Variants in FRAS1 observed in about 807,000 individuals in gnomAD.
FRAS1 encodes the protein Fraser extracellular matrix complex subunit 1, also known as extracellular matrix organizing protein FRAS1.
Under a neutral mutation model 435.2 loss-of-function variants are expected in FRAS1, and 290 were observed. The ratio of observed to expected loss-of-function variants is 0.67; its 90% CI spans 0.61 to 0.73. FRAS1 has a LOEUF of 0.73. Among genes scored for constraint, FRAS1 ranks in the 30% least tolerant of loss-of-function variants. The pLI, the probability that FRAS1 is intolerant of heterozygous loss-of-function variation, is 0.00. For missense variants in FRAS1, 4,860 were observed against 5,001.5 expected (o/e 0.97, Z 0.85); for synonymous variants, 1,800 against 1,851.0 (o/e 0.97, Z 0.71).
At chr4:78,178,353 A>G (rs1475829119) in intron 2 of FRAS1, among the ~76,000 whole-genome samples, 2 of 152,342 alleles carry the variant, frequency 1.3e-5, no homozygotes, top group Admixed American at 1.3e-4. Context: ...AGATTCCATG[A>G]CATTCTAGGC....
intron 2 of FRAS1, among the ~76,000 whole-genome samples, chr4:78,132,536 A>C (rs942469736): frequency 1.3e-5 from 2 of 152,196 alleles, no homozygotes; most frequent in Non-Finnish European, 2.9e-5. Flanking sequence ...TTTTTGACTA[A>C]GTCAAGGAGA....
At chr4:78,165,316 A>G (rs749022429) in intron 2 of FRAS1, among the ~76,000 whole-genome samples, 11 of 152,216 alleles carry the variant, frequency 7.2e-5, no homozygotes, top group Middle Eastern at 3.2e-3. Flanking sequence ...ACGAATTTAC[A>G]TCTGGTATTC....
rs1465955343 is a variant in FRAS1, at chr4:78,057,976, G to C, written c.-34G>C. ...CGGAGCCGCTTCTTGGATGCTGAAGGCTGGGCTCCTCCATCGTGGGTGCCG... is the reference window on the plus strand; with the variant it reads ...CGGAGCCGCTTCTTGGATGCTGAAGCCTGGGCTCCTCCATCGTGGGTGCCG... On this transcript the variant is annotated 5_prime_UTR_variant, in exon 1 of 74. Transcript: ENST00000512123. The surrounding 1 kb of genome is among the most constrained non-coding windows in gnomAD (Gnocchi z 4.2). 3.7e-6 allele frequency: 6 copies of C among 1,606,842 alleles called. No homozygotes were observed. The Admixed American group carries it at 5.0e-5, about 13-fold the overall frequency.
chr4:78,533,961 C>T (rs4610364), intron 70 of FRAS1, among the ~76,000 whole-genome samples: 67,348 of 151,890 alleles, frequency 0.44, 15,467 homozygotes, highest in East Asian at 0.79. Flanking sequence ...GAAGGAGACA[C>T]GGAAGGAAGG....
At chr4:78,297,909 A>T (rs1015675869) in intron 14 of FRAS1, among the ~76,000 whole-genome samples, 1 of 151,866 alleles carries the variant, frequency 6.6e-6, no homozygotes, top group African/African-American at 2.4e-5. Context: ...TTGCAAACAC[A>T]GTGGGATTTT....
intron 58 of FRAS1, among the ~76,000 whole-genome samples, chr4:78,483,209 A>T (rs2109860591): frequency 6.6e-6 from 1 of 152,320 alleles, no homozygotes. Flanking sequence ...TTATAAGCAG[A>T]GGAGTGATGT....
chr4:78,364,114 T>C, intron 22 of FRAS1, 60 bp downstream of exon 22: 1 of 1,514,890 alleles, frequency 6.6e-7, no homozygotes, highest in Non-Finnish European at 8.9e-7. Flanking sequence ...CTGGAGCCAT[T>C]GAAAGAAATG....
rs757763605 is a variant in FRAS1, at chr4:78,418,951, T to G, written c.4428T>G (p.Ala1476=). 6.3e-7 allele frequency: 1 copy of G among 1,583,792 alleles called. No homozygotes were observed. Reference sequence around the variant, plus strand: ...CTTCCTTCTTAAACTTTGTTTAGGCTAGAGAAGATGGCCTGACTGTTATTC... The same window carrying G: ...CTTCCTTCTTAAACTTTGTTTAGGCGAGAGAAGATGGCCTGACTGTTATTC... The part of the protein sequence containing the change: ...VSLEASLHMT[A]REDGLTVIQP... The change falls in exon 33 of 74, where the codon GCT becomes GCG. Residue 1476 remains alanine (A), a splice_region_variant and synonymous_variant. Transcript: ENST00000512123.
intron 69 of FRAS1, 75 bp downstream of exon 69, chr4:78,522,883 T>C: frequency 7.8e-7 from 1 of 1,277,916 alleles, no homozygotes; most frequent in African/African-American, 1.5e-5. Flanking sequence ...TGGGAAATAG[T>C]GCTTTCCTCT....
chr4:78,208,395 C>A (rs188509614), intron 2 of FRAS1, among the ~76,000 whole-genome samples: 7 of 152,166 alleles, frequency 4.6e-5, no homozygotes, highest in Admixed American at 2.0e-4. Context: ...GCTTTAACAC[C>A]CCCGCAAAAT....
At chr4:78,124,608 T>G (rs1031145066) in intron 2 of FRAS1, among the ~76,000 whole-genome samples, 4 of 151,958 alleles carry the variant, frequency 2.6e-5, no homozygotes, top group African/African-American at 9.7e-5. Flanking sequence ...GGTCCTGGAC[T>G]TTTTTTTGGT....
chr4:78,520,406 T>TA (rs973577709), intron 67 of FRAS1, among the ~76,000 whole-genome samples: 8 of 151,752 alleles, frequency 5.3e-5, no homozygotes, highest in Non-Finnish European at 1.0e-4. Flanking sequence ...GCAAACATAC[T>TA]AAAAAAAATA....
At chr4:78,346,634 A>G (rs1388126095) in intron 20 of FRAS1, among the ~76,000 whole-genome samples, 2 of 150,792 alleles carry the variant, frequency 1.3e-5, no homozygotes, top group African/African-American at 2.4e-5. Flanking sequence ...CTCCCTACAC[A>G]CTCTCTTCAC....
chr4:78,477,406 C>A (rs1278597659), intron 54 of FRAS1, among the ~76,000 whole-genome samples: 1 of 152,164 alleles, frequency 6.6e-6, no homozygotes, highest in Admixed American at 6.6e-5. Flanking sequence ...CCTAATACAG[C>A]TTGGAAGTAA....
chr4:78,516,141 T>C (rs1052597643), intron 66 of FRAS1, 128 bp downstream of exon 66: 1 of 667,404 alleles, frequency 1.5e-6, no homozygotes, highest in African/African-American at 1.8e-5. Flanking sequence ...GAGTCTTCTT[T>C]ATAAGTCCCT....
chr4:78,372,663 C>T (rs1387563345), intron 23 of FRAS1, 55 bp from the exon 24 acceptor site: 43 of 1,600,610 alleles, frequency 2.7e-5, no homozygotes, highest in Non-Finnish European at 2.7e-5. Context: ...AAATGAACTG[C>T]TGGGTCTGAG....
chr4:78,211,317 T>C (rs1439966755), intron 2 of FRAS1, among the ~76,000 whole-genome samples: 1 of 152,188 alleles, frequency 6.6e-6, no homozygotes, highest in African/African-American at 2.4e-5. Context: ...ATCTACCTTA[T>C]GGAGAAATGC....
chr4:78,501,931 T>C (rs1304042995), intron 61 of FRAS1, among the ~76,000 whole-genome samples: 1 of 152,234 alleles, frequency 6.6e-6, no homozygotes, highest in East Asian at 1.9e-4. Flanking sequence ...GTTTCAGCTT[T>C]GTATATATGG....
chr4:78,359,859 T>A (rs1731008021), intron 20 of FRAS1, among the ~76,000 whole-genome samples: 1 of 152,198 alleles, frequency 6.6e-6, no homozygotes, highest in Non-Finnish European at 1.5e-5. Flanking sequence ...CTCTGGGCAC[T>A]CACTCCATCA....
Sources: allele counts gnomAD v4.1 joint callset (sites outside exome capture counted in the v4.1 genomes callset), GRCh38; gene constraint gnomAD v4.1.1; non-coding constraint Gnocchi (gnomAD v3.1); transcripts MANE v1.5; gene names NCBI Gene and HGNC (gene_info 2026-07-23, HGNC 2026-07-21).